Variants in AMPH observed in about 807,000 individuals in gnomAD.
AMPH encodes the protein amphiphysin.
In AMPH, 49 loss-of-function variants were observed where a neutral mutation model predicts 99.1. That is an observed-to-expected ratio of 0.49 (90% CI 0.39 to 0.63). AMPH has a LOEUF of 0.63. Among genes scored for constraint, AMPH ranks in the 20% least tolerant of loss-of-function variants. The pLI is 0.00. For synonymous variants in AMPH, 314 were observed against 317.3 expected (o/e 0.99, Z 0.11); for missense variants, 759 against 863.4 (o/e 0.88, Z 1.52).
chr7:38,407,048 C>CTCTCTCTCTCTCTCTCTCTATA (rs1241166935), intron 17 of AMPH, among the ~76,000 whole-genome samples: 1 of 31,260 alleles, frequency 3.2e-5, no homozygotes, highest in African/African-American at 1.1e-4. Context: ...CTCTCTCTCT[C>CTCTCTCTCTCTCTCTCTCTATA]TATATATATA....
chr7:38,513,956 CAGCTAT>C (rs1385740436), intron 2 of AMPH, among the ~76,000 whole-genome samples: 3 of 152,210 alleles, frequency 2.0e-5, no homozygotes, highest in Non-Finnish European at 4.4e-5. Flanking sequence ...CTCCTTCTCC[CAGCTAT>C]AGTCTTGGTC....
intron 1 of AMPH, among the ~76,000 whole-genome samples, chr7:38,562,518 C>A (rs1482907359): frequency 6.6e-6 from 1 of 152,088 alleles, no homozygotes; most frequent in Non-Finnish European, 1.5e-5. Flanking sequence ...CCTTTCACAC[C>A]ATGAAAGTGA....
intron 17 of AMPH, among the ~76,000 whole-genome samples, chr7:38,414,747 CT>C (rs1484971058): frequency 1.3e-5 from 2 of 152,080 alleles, no homozygotes; most frequent in Non-Finnish European, 2.9e-5. Flanking sequence ...CTCACTGCAC[CT>C]CTGCCTTCTG....
Position 38,486,160 on chromosome 7 carries a change from T to G in AMPH, c.396+4890A>C, listed in dbSNP as rs1342896296. On this transcript the variant is annotated intron_variant, in intron 5 of 20. Coordinates refer to ENST00000356264, the MANE Select transcript of AMPH (RefSeq NM_001635.4). ...CAGGAAAAATCAAGGTAACTATGAG[T>G]TTTTTTTTTTTTTGAGCAGATAAAA... 2.2e-4 allele frequency among the ~76,000 whole-genome samples: 8 copies of G among 36,280 alleles called. No individual in the cohort carries two copies. The African/African-American group carries it at 3.0e-3, about 14-fold the overall frequency. The allele number at this position is 36,280 out of a possible 152,430, so 23.8% of individuals were successfully genotyped here. A position where few individuals can be genotyped will look rare whatever the true frequency, so the allele number is the denominator to read the frequency against.
At chr7:38,482,316 G>C (rs1788316656) in intron 5 of AMPH, among the ~76,000 whole-genome samples, 1 of 152,030 alleles carries the variant, frequency 6.6e-6, no homozygotes, top group African/African-American at 2.4e-5. Flanking sequence ...TCCAGCAAAA[G>C]ATCTAGATGA....
At chr7:38,575,724 C>T (rs576487634) in intron 1 of AMPH, among the ~76,000 whole-genome samples, 2 of 152,288 alleles carry the variant, frequency 1.3e-5, no homozygotes, top group African/African-American at 4.8e-5. Flanking sequence ...TACAAATTAC[C>T]CAGTCTTGGG....
At chr7:38,547,463 C>T (rs1184559428) in intron 1 of AMPH, among the ~76,000 whole-genome samples, 6 of 152,158 alleles carry the variant, frequency 3.9e-5, no homozygotes, top group Non-Finnish European at 5.9e-5. Context: ...TATACTAATC[C>T]CACAACAATG....
intron 1 of AMPH, among the ~76,000 whole-genome samples, chr7:38,612,549 T>G (rs73692927): frequency 0.08 from 12,177 of 152,224 alleles, 799 homozygotes; most frequent in African/African-American, 0.17. Context: ...CTGATATGGA[T>G]AGATTATCCA....
chr7:38,429,156 A>G (rs1203731075), intron 14 of AMPH: 1 of 1,289,828 alleles, frequency 7.8e-7, no homozygotes, highest in Non-Finnish European at 1.0e-6. Flanking sequence ...TTCTTTGAAC[A>G]GGCCAGCTGT....
At chr7:38,511,160 T>C (rs1270956943) in intron 2 of AMPH, among the ~76,000 whole-genome samples, 1 of 152,208 alleles carries the variant, frequency 6.6e-6, no homozygotes. Flanking sequence ...GCCTGGCACA[T>C]ATCATGCACT....
intron 17 of AMPH, among the ~76,000 whole-genome samples, chr7:38,416,101 G>GT (rs2128986452): frequency 2.8e-5 from 1 of 36,316 alleles, no homozygotes; most frequent in Admixed American, 3.4e-4. Flanking sequence ...TCAAACATAT[G>GT]AATATATATA....
intron 11 of AMPH, 143 bp from the exon 12 acceptor site, chr7:38,436,531 T>C (rs1213675219): frequency 3.1e-6 from 2 of 644,708 alleles, no homozygotes; most frequent in Non-Finnish European, 5.4e-6. Flanking sequence ...GGCTCACCCA[T>C]ATGCACCCAG....
intron 1 of AMPH, among the ~76,000 whole-genome samples, chr7:38,584,330 G>A (rs1404087750): frequency 1.3e-5 from 2 of 152,178 alleles, no homozygotes; most frequent in Non-Finnish European, 2.9e-5. Flanking sequence ...ATTTCTGCAA[G>A]GAGCCCTGGT....
At chr7:38,519,415 T>A (rs998510831) in intron 2 of AMPH, among the ~76,000 whole-genome samples, 4 of 152,228 alleles carry the variant, frequency 2.6e-5, no homozygotes, top group African/African-American at 7.2e-5. Context: ...CTCATACCAA[T>A]TAATTGATAT....
chr7:38,473,582 T>C (rs1787965794), intron 7 of AMPH, among the ~76,000 whole-genome samples: 1 of 106,110 alleles, frequency 9.4e-6, no homozygotes. Flanking sequence ...CGGGCGCCTG[T>C]AGTCCCAGCT....
Position 38,406,728 on chromosome 7 carries a change from TTCCCTCTCTCTCTCTC to T in AMPH, c.1398+11081_1398+11096del, listed in dbSNP as rs1422703249. 8.1e-3 allele frequency among the ~76,000 whole-genome samples: 439 copies of T among 53,984 alleles called. 9 individuals carry two copies. Among genetic ancestry groups the T allele is most frequent in the South Asian group, 0.034 (54 of 1,586 alleles). 35.4% of individuals were successfully genotyped at this position (53,984 alleles called of 152,430 possible). On this transcript the variant is annotated intron_variant, in intron 17 of 20. Coordinates refer to ENST00000356264, the MANE Select transcript of AMPH (RefSeq NM_001635.4). ...TCTCTCCTCTCCTCTCTCTCTCCCT[TTCCCTCTCTCTCTCTC>T]TCTCTCTCTCTCTCTCTCTCTCTCT... is the stretch of plus-strand genomic sequence containing the variant.
chr7:38,409,038 A>T (rs2128983859), intron 17 of AMPH, among the ~76,000 whole-genome samples: 1 of 152,326 alleles, frequency 6.6e-6, no homozygotes, highest in East Asian at 1.9e-4. Context: ...TCATTTTAGA[A>T]GGGAGGAACT....
In AMPH at chr7:38,466,263, C is replaced by T; in HGVS notation, c.591-15G>A. On this transcript the variant is annotated splice_polypyrimidine_tract_variant and intron_variant, in intron 7 of 20. Coordinates refer to ENST00000356264, the MANE Select transcript of AMPH (RefSeq NM_001635.4). ...ATCCAACTCGTCTGCCATGTGGAAA[C>T]ACAAAGAGGAAAGAAGAGAGAGGGA... 6.3e-7 allele frequency: 1 copy of T among 1,578,900 alleles called. No individual in the cohort carries two copies. Among genetic ancestry groups the T allele is most frequent in the Non-Finnish European group, 8.6e-7 (1 of 1,166,928 alleles).
chr7:38,461,177 A>G, intron 11 of AMPH, 106 bp downstream of exon 11: 1 of 1,315,570 alleles, frequency 7.6e-7, no homozygotes, highest in Non-Finnish European at 1.1e-6. Context: ...GACAATTAAA[A>G]TTATGTTGTT....
Sources: allele counts gnomAD v4.1 joint callset (sites outside exome capture counted in the v4.1 genomes callset), GRCh38; gene constraint gnomAD v4.1.1; transcripts MANE v1.5; gene names NCBI Gene and HGNC (gene_info 2026-07-23, HGNC 2026-07-21).